The following RBFOX1 variants were observed in gnomAD, a reference collection of about 807,000 sequenced individuals.
The protein encoded by RBFOX1 is RNA binding protein fox-1 homolog 1.
RBFOX1 carries 8 observed loss-of-function variants against 57.7 expected under a neutral mutation model. That is an observed-to-expected ratio of 0.14 (90% CI 0.08 to 0.25). The LOEUF (loss-of-function observed/expected upper bound fraction) is 0.25. RBFOX1 is among the 10% of genes least tolerant of loss of function. RBFOX1 has a pLI of 1.00. For missense variants in RBFOX1, 611 were observed against 548.5 expected, an observed-to-expected ratio of 1.11 and a Z score of -1.14; for synonymous variants, 326 against 222.4, an observed-to-expected ratio of 1.47 and a Z score of -4.15.
chr16:6,728,025 C>G (rs2067649972), intron 3 of RBFOX1, among the ~76,000 whole-genome samples: 1 of 152,190 alleles, frequency 6.6e-6, no homozygotes. Context: ...TTTCCATCCT[C>G]ACAGGTTTGT....
chr16:6,363,486 CT>C (rs1181060242), intron 2 of RBFOX1, among the ~76,000 whole-genome samples: 14 of 152,252 alleles, frequency 9.2e-5, no homozygotes, highest in African/African-American at 3.4e-4. Context: ...GATGGGTTTA[CT>C]TATTTGTTTA....
intron 4 of RBFOX1, among the ~76,000 whole-genome samples, chr16:5,907,767 T>TCATCATCA (rs1567133017): frequency 7.5e-6 from 1 of 134,160 alleles, no homozygotes; most frequent in African/African-American, 3.6e-5. Context: ...CATCATCATT[T>TCATCATCA]GAGATGGCAT....
intron 3 of RBFOX1, among the ~76,000 whole-genome samples, chr16:5,752,663 C>A (rs1466264633): frequency 6.6e-6 from 1 of 152,094 alleles, no homozygotes; most frequent in Non-Finnish European, 1.5e-5. Flanking sequence ...GATGGTAACT[C>A]TTTGAATGAC....
chr16:6,178,764 T>C lies in RBFOX1; in HGVS notation c.-126-138231T>C, dbSNP rs111917016. ...TGTCATGGCTGGATTAAAATATCTG[T>C]GTTTACTTATGTAACTCTCAAAACT... On this transcript the variant is annotated intron_variant, in intron 1 of 15. Transcript: ENST00000550418. 8.3e-3 allele frequency among the ~76,000 whole-genome samples: 1,270 copies of C among 152,308 alleles called. 16 individuals are homozygous for C. Among genetic ancestry groups the C allele is most frequent in the African/African-American group, 0.03 (1,231 of 41,570 alleles).
chr16:5,982,271 ATT>A (rs138839851), intron 4 of RBFOX1, among the ~76,000 whole-genome samples: 1 of 148,868 alleles, frequency 6.7e-6, no homozygotes, highest in Admixed American at 6.7e-5. Context: ...TTGCACATGA[ATT>A]TTTTTTTTTC....
At chr16:6,151,611 C>G (rs1464139972) in intron 1 of RBFOX1, among the ~76,000 whole-genome samples, 1 of 152,126 alleles carries the variant, frequency 6.6e-6, no homozygotes, top group Non-Finnish European at 1.5e-5. Flanking sequence ...ATGTCATTCT[C>G]CATCTTCATG....
intron 4 of RBFOX1, among the ~76,000 whole-genome samples, chr16:7,488,403 C>G (rs2065981235): frequency 6.6e-6 from 1 of 151,088 alleles, no homozygotes; most frequent in Non-Finnish European, 1.5e-5. Context: ...ACCTCTATAT[C>G]TATCTACTGT....
intron 3 of RBFOX1, among the ~76,000 whole-genome samples, chr16:6,793,441 G>T (rs1253297147): frequency 6.6e-6 from 1 of 152,164 alleles, no homozygotes; most frequent in Non-Finnish European, 1.5e-5. Flanking sequence ...AATTCTCTGA[G>T]AGAAATATCC....
Position 5,367,907 on chromosome 16 carries a change from C to T in RBFOX1, c.220-99309C>T, listed in dbSNP as rs867705793. On this transcript the variant is annotated intron_variant, in intron 1 of 2. Coordinates refer to the RBFOX1 transcript ENST00000585867. ...GCTCTTTAAATGACAGGACTCTGGACGTTAAGAAGATCCACACCTCATGCA... is the reference window on the plus strand; with the variant it reads ...GCTCTTTAAATGACAGGACTCTGGATGTTAAGAAGATCCACACCTCATGCA... Among the ~76,000 whole-genome samples the T allele has an allele frequency of 3.7e-4, 57 of 152,014 alleles. 1 individual carries two copies. The highest frequency in any genetic ancestry group is 1.2e-3 in the African/African-American group (50 of 41,364).
intron 2 of RBFOX1, among the ~76,000 whole-genome samples, chr16:6,501,220 A>G (rs2095911430): frequency 6.9e-6 from 1 of 143,972 alleles, no homozygotes; most frequent in African/African-American, 2.6e-5. Context: ...TACATGTGCC[A>G]TGTTGGTGTG....
intron 3 of RBFOX1, among the ~76,000 whole-genome samples, chr16:5,621,218 C>A (rs2048192302): frequency 6.6e-6 from 1 of 152,166 alleles, no homozygotes; most frequent in Non-Finnish European, 1.5e-5. Context: ...CTCATGGGAT[C>A]TTCCCACCTC....
At chr16:7,427,029 C>G (rs879049664) in intron 4 of RBFOX1, among the ~76,000 whole-genome samples, 1 of 152,190 alleles carries the variant, frequency 6.6e-6, no homozygotes, top group Non-Finnish European at 1.5e-5. Flanking sequence ...AAACCAAACA[C>G]TGCGTGTTCT....
In RBFOX1 at chr16:5,370,462, CT is replaced by C. The variant is rs34715441; in HGVS notation, c.220-96740del. Among the ~76,000 whole-genome samples the C allele has an allele frequency of 3.4e-3, 474 of 141,126 alleles. 1 individual carries two copies. The highest frequency in any genetic ancestry group is 0.01 in the African/African-American group (403 of 38,394). 92.6% of individuals were successfully genotyped at this position (141,126 alleles called of 152,430 possible). On this transcript the variant is annotated intron_variant, in intron 1 of 2. Coordinates refer to the RBFOX1 transcript ENST00000585867. ...TTGTTCCCCGATCCAGCCTCCTCCT[CT>C]TTTTTTTTTTTTTGGCTTTTTACAA...
In RBFOX1 at chr16:6,928,922, G is replaced by T. The variant is rs1532224; in HGVS notation, c.-15-123135G>T. Among the ~76,000 whole-genome samples, 9 of 152,234 alleles carry T rather than the reference G, an allele frequency of 5.9e-5. No individual in the cohort carries two copies. The East Asian group carries it at 7.8e-4, about 13-fold the overall frequency. On this transcript the variant is annotated intron_variant, in intron 3 of 15. Transcript: ENST00000550418. Reference sequence around the variant, plus strand: ...CAGTAGAGCATCAGTTGTCAGATATGGGGGCTTCAAGTCCCCAAAGCAGAT... The same window carrying T: ...CAGTAGAGCATCAGTTGTCAGATATTGGGGCTTCAAGTCCCCAAAGCAGAT...
chr16:5,408,109 G>A (rs1266423239), intron 1 of RBFOX1, among the ~76,000 whole-genome samples: 2 of 152,124 alleles, frequency 1.3e-5, no homozygotes, highest in African/African-American at 2.4e-5. Context: ...TGTGACACAC[G>A]TTCCTCCTCC....
At position 5,737,550 on chromosome 16, in the gene RBFOX1, C is replaced by A. The variant is rs1442955047; in HGVS notation, c.319-129753C>A. 2.7e-5 allele frequency among the ~76,000 whole-genome samples: 4 copies of A among 146,956 alleles called. No homozygotes were observed. In the South Asian group the frequency reaches 6.5e-4, roughly 24 times the overall value. ...TTTTTTTTTTTTTTTTTTGCCTGTCCATGTACTACAATTTTCTGCCTTATC... is the reference window on the plus strand; with the variant it reads ...TTTTTTTTTTTTTTTTTTGCCTGTCAATGTACTACAATTTTCTGCCTTATC... On this transcript the variant is annotated intron_variant, in intron 3 of 19. Transcript: ENST00000641259.
chr16:7,310,724 C>T (rs1012765314), intron 4 of RBFOX1, among the ~76,000 whole-genome samples: 9 of 152,198 alleles, frequency 5.9e-5, no homozygotes, highest in African/African-American at 1.2e-4. Flanking sequence ...CACTGAATCA[C>T]ACCTGTGATC....
chr16:6,804,126 G>C (rs1037718865), intron 3 of RBFOX1, among the ~76,000 whole-genome samples: 1 of 151,934 alleles, frequency 6.6e-6, no homozygotes, highest in Non-Finnish European at 1.5e-5. Flanking sequence ...CCTTGCCTCA[G>C]GCATCCAAGT....
At chr16:5,355,820 A>G (rs1217634340) in intron 1 of RBFOX1, among the ~76,000 whole-genome samples, 1 of 152,156 alleles carries the variant, frequency 6.6e-6, no homozygotes, top group Non-Finnish European at 1.5e-5. Flanking sequence ...GCTGGGTGCA[A>G]TGCCTTATGC....
Sources: gnomAD v4.1 joint callset for allele counts (sites outside exome capture counted in the v4.1 genomes callset) on GRCh38, gnomAD v4.1.1 for gene constraint, MANE v1.5 for transcripts, NCBI Gene and HGNC (gene_info 2026-07-23, HGNC 2026-07-21) for gene names.